The following KLHL1 variants were observed in gnomAD, a reference collection of about 807,000 sequenced individuals.
KLHL1 encodes the protein kelch-like protein 1.
In KLHL1, 47 loss-of-function variants were observed where a neutral mutation model predicts 77.7. That is an observed-to-expected ratio of 0.60 (90% CI 0.48 to 0.77). KLHL1 has a LOEUF of 0.77. Ranked by LOEUF, KLHL1 falls within the 30% of genes least tolerant of loss-of-function variation. The probability of loss-of-function intolerance (pLI) is 0.00; values close to 1 mark genes in which losing one functional copy is unlikely to be tolerated. For synonymous variants in KLHL1, 360 were observed against 325.2 expected, an observed-to-expected ratio of 1.11 and a Z score of -1.15; for missense variants, 925 against 910.8, an observed-to-expected ratio of 1.02 and a Z score of -0.20.
chr13:70,011,683 GTAGGTGATGTTGCTACAATATTTCTGGT>G (rs1468672571), intron 1 of KLHL1, among the ~76,000 whole-genome samples: 1 of 152,126 alleles, frequency 6.6e-6, no homozygotes, highest in Admixed American at 6.5e-5. Context: ...AAAAGACCAG[GTAGGTGATGTTGCTACAATATTTCTGGT>G]TAGGAAAATA....
chr13:69,961,895 T>A (rs1203929458), intron 2 of KLHL1, among the ~76,000 whole-genome samples: 4 of 152,042 alleles, frequency 2.6e-5, no homozygotes, highest in Non-Finnish European at 5.9e-5. Flanking sequence ...TTATAACCAA[T>A]AAGGCAAATC....
At chr13:69,926,401 A>C (rs1882813981) in intron 4 of KLHL1, among the ~76,000 whole-genome samples, 1 of 152,232 alleles carries the variant, frequency 6.6e-6, no homozygotes, top group African/African-American at 2.4e-5. Context: ...AGAATAAAAT[A>C]ATTACATCAA....
At chr13:70,068,764 G>GT in intron 1 of KLHL1, among the ~76,000 whole-genome samples, 1 of 152,222 alleles carries the variant, frequency 6.6e-6, no homozygotes, top group Admixed American at 6.5e-5. Context: ...AATGCTATCA[G>GT]TTTTTCCTCC....
chr13:69,968,310 G>A (rs1593634667), intron 2 of KLHL1, among the ~76,000 whole-genome samples: 1 of 135,820 alleles, frequency 7.4e-6, no homozygotes, highest in East Asian at 2.0e-4. Flanking sequence ...TTAGACCTAT[G>A]GTATCATGTA....
chr13:69,712,014 A>T (rs1247112869), intron 9 of KLHL1, among the ~76,000 whole-genome samples: 3 of 151,924 alleles, frequency 2.0e-5, no homozygotes, highest in Non-Finnish European at 2.9e-5. Flanking sequence ...GCCTATTTGG[A>T]TATCACCTCT....
chr13:70,076,105 A>T (rs545769998), intron 1 of KLHL1, among the ~76,000 whole-genome samples: 2 of 151,942 alleles, frequency 1.3e-5, no homozygotes, highest in East Asian at 1.9e-4. Flanking sequence ...TAAATCAAGC[A>T]TATTGTTTTG....
In KLHL1 at chr13:70,075,671, G is replaced by GTA. The variant is rs1302343403; in HGVS notation, c.497+31530_497+31531dup. ...TTTATATATATACCTATGTGTGTGTGTATATATATATACACACACGTGTGT... is the reference window on the plus strand; with the variant it reads ...TTTATATATATACCTATGTGTGTGTGTATATATATATATACACACACGTGTGT... On this transcript the variant is annotated intron_variant, in intron 1 of 10. Coordinates refer to ENST00000377844, the MANE Select transcript of KLHL1 (RefSeq NM_020866.3). Among the ~76,000 whole-genome samples the GTA allele has an allele frequency of 4.1e-3, 561 of 138,220 alleles. 10 individuals are homozygous for GTA. Among genetic ancestry groups the GTA allele is most frequent in the African/African-American group, 0.014 (513 of 37,426 alleles). 90.7% of individuals were successfully genotyped at this position (138,220 alleles called of 152,430 possible).
At chr13:69,781,141 A>G (rs1029371015) in intron 7 of KLHL1, among the ~76,000 whole-genome samples, 1 of 152,138 alleles carries the variant, frequency 6.6e-6, no homozygotes, top group African/African-American at 2.4e-5. Context: ...TTTTTGACAG[A>G]GACCATATAC....
intron 1 of KLHL1, among the ~76,000 whole-genome samples, chr13:70,038,581 A>ATTTTTTTTTTTT (rs55885952): frequency 9.6e-5 from 7 of 73,052 alleles, no homozygotes; most frequent in East Asian, 5.5e-4. Context: ...ATTGTCATTA[A>ATTTTTTTTTTTT]TTTTTTTTTT....
intron 6 of KLHL1, among the ~76,000 whole-genome samples, chr13:69,833,808 T>C (rs1878867357): frequency 6.7e-6 from 1 of 150,006 alleles, no homozygotes. Context: ...TCTATATATA[T>C]ATATACACAC....
chr13:69,845,165 G>T (rs1879410828), intron 5 of KLHL1, among the ~76,000 whole-genome samples: 1 of 151,606 alleles, frequency 6.6e-6, no homozygotes, highest in Non-Finnish European at 1.5e-5. Context: ...CCAAGCTCTG[G>T]AATCATAAAT....
chr13:69,807,284 T>G (rs920585370), intron 6 of KLHL1, among the ~76,000 whole-genome samples: 7 of 152,020 alleles, frequency 4.6e-5, no homozygotes, highest in Non-Finnish European at 7.4e-5. Context: ...GATACTATTT[T>G]GAGAGTTTAA....
chr13:69,789,317 C>CTTAT (rs1876743545), intron 7 of KLHL1, among the ~76,000 whole-genome samples: 1 of 150,120 alleles, frequency 6.7e-6, no homozygotes, highest in Non-Finnish European at 1.5e-5. Context: ...CAAAATAAGT[C>CTTAT]TTATTTAATA....
chr13:70,106,195 TCTGTTA>T (rs1888052513), intron 1 of KLHL1, among the ~76,000 whole-genome samples: 1 of 151,850 alleles, frequency 6.6e-6, no homozygotes. Context: ...AAAAGATGCT[TCTGTTA>T]CTAATTTGTT....
chr13:69,913,607 T>C (rs1278384385), intron 4 of KLHL1, among the ~76,000 whole-genome samples: 1 of 152,210 alleles, frequency 6.6e-6, no homozygotes, highest in Admixed American at 6.5e-5. Flanking sequence ...GAAAATATGA[T>C]TCCCAGGGAA....
intron 1 of KLHL1, among the ~76,000 whole-genome samples, chr13:70,026,575 T>A (rs539962462): frequency 6.6e-6 from 1 of 152,210 alleles, no homozygotes; most frequent in African/African-American, 2.4e-5. Flanking sequence ...CCCATTTGGG[T>A]CCGTTCCCTC....
intron 1 of KLHL1, among the ~76,000 whole-genome samples, chr13:69,999,792 T>G (rs574753768): frequency 6.6e-6 from 1 of 152,030 alleles, no homozygotes; most frequent in South Asian, 2.1e-4. Flanking sequence ...GAGGACAAGA[T>G]GTATATGGAA....
chr13:69,736,961 G>C (rs1475241541), intron 8 of KLHL1, among the ~76,000 whole-genome samples: 1 of 152,092 alleles, frequency 6.6e-6, no homozygotes, highest in Non-Finnish European at 1.5e-5. Flanking sequence ...AAAATGGCAA[G>C]TGAATTCTGC....
chr13:69,924,588 C>T (rs1303985767), intron 4 of KLHL1, among the ~76,000 whole-genome samples: 1 of 152,176 alleles, frequency 6.6e-6, no homozygotes, highest in Non-Finnish European at 1.5e-5. Flanking sequence ...CTTGCTGACC[C>T]TCCACTGATC....
Sources: allele counts gnomAD v4.1 joint callset (sites outside exome capture counted in the v4.1 genomes callset), GRCh38; gene constraint gnomAD v4.1.1; transcripts MANE v1.5; gene names NCBI Gene and HGNC (gene_info 2026-07-23, HGNC 2026-07-21).